The following GRB10 variants were observed in gnomAD, a reference collection of about 807,000 sequenced individuals.
The protein encoded by GRB10 is growth factor receptor bound protein 10.
Under a neutral mutation model 80.9 loss-of-function variants are expected in GRB10, and 20 were observed. The observed-to-expected ratio is 0.25, with a 90% CI of 0.17 to 0.36. The LOEUF is 0.36. GRB10 is among the 10% of genes least tolerant of loss of function. The pLI is 1.00. For missense variants in GRB10, 548 were observed against 747.7 expected, an observed-to-expected ratio of 0.73 and a Z score of 3.12; for synonymous variants, 291 against 291.5, an observed-to-expected ratio of 1.00 and a Z score of 0.02.
At chr7:50,697,952 A>C (rs2063661330) in intron 5 of GRB10, among the ~76,000 whole-genome samples, 1 of 152,158 alleles carries the variant, frequency 6.6e-6, no homozygotes, top group South Asian at 2.1e-4. Context: ...CTGCACTTGG[A>C]CCCACTTAAA....
In GRB10 at chr7:50,782,772, C is replaced by G. The variant is rs1442736092; in HGVS notation, c.-675G>C. 6.6e-6 allele frequency: 1 copy of G among 152,092 alleles called. No homozygotes were observed. The highest frequency in any genetic ancestry group is 2.4e-5 in the African/African-American group (1 of 41,434). The allele number at this position is 152,092 out of a possible 1,614,324, so 9.4% of individuals were successfully genotyped here. The stretch of plus-strand genomic sequence containing the variant: ...CCAGCGCCATCACCACGCAGGTGCC[C>G]GGGGGCCCCTCCGCGGAGCCGGCTG... On this transcript the variant is annotated 5_prime_UTR_variant, in exon 1 of 19. Coordinates refer to ENST00000401949, the MANE Select transcript of GRB10 (RefSeq NM_001350814.2). The surrounding 1 kb of genome is among the most constrained non-coding windows in gnomAD (Gnocchi z 6.6).
chr7:50,757,767 C>T (rs1375870582), intron 2 of GRB10, among the ~76,000 whole-genome samples: 1 of 152,226 alleles, frequency 6.6e-6, no homozygotes, highest in Non-Finnish European at 1.5e-5. Flanking sequence ...ACCATCACAA[C>T]AGCATACGAA....
In GRB10 at chr7:50,723,415, C is replaced by A. The variant is rs78610318; in HGVS notation, c.51+8857G>T. ...AACTGCCAATCATTTCCTCATTGTCCAAAGAACGAAATGTTCTAATGTTGT... is the reference window on the plus strand; with the variant it reads ...AACTGCCAATCATTTCCTCATTGTCAAAAGAACGAAATGTTCTAATGTTGT... On this transcript the variant is annotated intron_variant, in intron 4 of 18. Coordinates refer to ENST00000401949, the MANE Select transcript of GRB10 (RefSeq NM_001350814.2). Among the ~76,000 whole-genome samples, 1,387 of 152,290 alleles carry A rather than the reference C, an allele frequency of 9.1e-3. 26 individuals are homozygous for A. The highest frequency in any genetic ancestry group is 0.032 in the African/African-American group (1,312 of 41,542).
chr7:50,679,879 T>C (rs2061365097), intron 5 of GRB10, among the ~76,000 whole-genome samples: 1 of 152,260 alleles, frequency 6.6e-6, no homozygotes, highest in African/African-American at 2.4e-5. Context: ...AAGCAATTTC[T>C]GTTAACTTCT....
chr7:50,753,728 T>A (rs757773), intron 3 of GRB10, among the ~76,000 whole-genome samples: 94,751 of 151,982 alleles, frequency 0.62, 32,228 homozygotes, highest in Middle Eastern at 0.87. Context: ...AGCCAAAAAC[T>A]CAAAGACTAA....
intron 5 of GRB10, among the ~76,000 whole-genome samples, chr7:50,697,442 TCA>T (rs1398209088): frequency 6.6e-6 from 1 of 152,182 alleles, no homozygotes; most frequent in Non-Finnish European, 1.5e-5. Flanking sequence ...TTAGCAACTG[TCA>T]CACAAAAATA....
At chr7:50,658,032 G>A (rs2058825731) in intron 7 of GRB10, among the ~76,000 whole-genome samples, 2 of 152,254 alleles carry the variant, frequency 1.3e-5, no homozygotes, top group South Asian at 2.1e-4. Context: ...GGCCTAGATG[G>A]CCCATCTCAT....
chr7:50,755,823 T>C (rs2074994363), intron 3 of GRB10, 64 bp downstream of exon 3: 1 of 398,572 alleles, frequency 2.5e-6, no homozygotes, highest in Non-Finnish European at 4.4e-6. Flanking sequence ...CCTTAATCAA[T>C]ACTGAACAGG....
At chr7:50,679,668 C>A (rs1042810247) in intron 5 of GRB10, among the ~76,000 whole-genome samples, 8 of 152,044 alleles carry the variant, frequency 5.3e-5, no homozygotes, top group African/African-American at 1.9e-4. Context: ...GAAGATATAC[C>A]CTGTTAAGTC....
At position 50,674,427 on chromosome 7, in the gene GRB10, T is replaced by C. The variant is rs1458719058; in HGVS notation, c.362+9A>G. 6.2e-7 allele frequency: 1 copy of C among 1,602,264 alleles called. No homozygotes were observed. Among genetic ancestry groups the C allele is most frequent in the South Asian group, 1.1e-5 (1 of 91,000 alleles). On this transcript the variant is annotated intron_variant, in intron 6 of 18. Coordinates refer to ENST00000401949, the MANE Select transcript of GRB10 (RefSeq NM_001350814.2). ...TGGAGAAGGCTCTGCCCATAAGGCC[T>C]GGACCTACCTGACAGCGAGGATGTG...
At chr7:50,639,074 T>C (rs11238265) in intron 7 of GRB10, among the ~76,000 whole-genome samples, 51,501 of 151,908 alleles carry the variant, frequency 0.34, 8,906 homozygotes, top group Middle Eastern at 0.52. Flanking sequence ...TTAACAGACA[T>C]TGGGGACTCC....
At chr7:50,640,292 C>A (rs1159199917) in intron 7 of GRB10, among the ~76,000 whole-genome samples, 2 of 152,250 alleles carry the variant, frequency 1.3e-5, no homozygotes, top group African/African-American at 4.8e-5. Flanking sequence ...GTGCCACAAT[C>A]TGAATTCCTA....
rs780776923 is a variant in GRB10, at chr7:50,674,595, G to A, written c.203C>T (p.Ser68Leu). The part of the protein sequence containing the change: ...DMNASLESLY[S>L]ACSMQSDTVP... Reference sequence around the variant, plus strand: ...CGTGTCTGACTGCATGCTGCAGGCCGAGTACAGGCTCTCCAGGGATGCATT... The same window carrying A: ...CGTGTCTGACTGCATGCTGCAGGCCAAGTACAGGCTCTCCAGGGATGCATT... The change falls in exon 6 of 19, where the codon TCG (serine) becomes TTG (leucine). Residue 68 changes from serine to leucine, a missense_variant. Ser to Leu is a moderately radical substitution (Grantham distance 145). Transcript: ENST00000401949. The A allele has an allele frequency of 5.0e-6, 8 of 1,613,500 alleles. No individual in the cohort carries two copies. The highest frequency in any genetic ancestry group is 4.0e-5 in the African/African-American group (3 of 74,930).
chr7:50,749,192 G>A (rs1208951737), intron 3 of GRB10, among the ~76,000 whole-genome samples: 4 of 144,486 alleles, frequency 2.8e-5, no homozygotes, highest in African/African-American at 7.5e-5. Flanking sequence ...GCAATAGTGC[G>A]ATCTTGGCTC....
intron 4 of GRB10, chr7:50,728,027 A>T (rs534618074): frequency 6.6e-6 from 1 of 152,206 alleles, no homozygotes; most frequent in East Asian, 1.9e-4. Flanking sequence ...CAGAATCATA[A>T]CCTTAAATGA....
At chr7:50,631,109 C>T (rs938183272) in intron 7 of GRB10, among the ~76,000 whole-genome samples, 5 of 152,188 alleles carry the variant, frequency 3.3e-5, no homozygotes, top group African/African-American at 9.6e-5. Context: ...CAGGCCCCTC[C>T]TTGCTGTCAA....
chr7:50,631,276 T>C (rs1266390502), intron 7 of GRB10, among the ~76,000 whole-genome samples: 1 of 152,016 alleles, frequency 6.6e-6, no homozygotes. Context: ...CTTGTAAAAA[T>C]AGCAAATGGG....
chr7:50,637,488 C>G (rs1021367480), intron 7 of GRB10, among the ~76,000 whole-genome samples: 1 of 152,002 alleles, frequency 6.6e-6, no homozygotes, highest in Admixed American at 6.6e-5. Flanking sequence ...ATACATCTAA[C>G]CAAGGAGGTG....
rs535443821 is a variant in GRB10 at position 50,782,218 on chromosome 7, A to G, written c.-327+206T>C. ...TAATACTGTCCTATGGCTGGCGGCA[A>G]CGAAGCTCGGGATCTCGGACTGCAG... On this transcript the variant is annotated intron_variant, in intron 1 of 18. Coordinates refer to ENST00000401949, the MANE Select transcript of GRB10 (RefSeq NM_001350814.2). The surrounding 1 kb of genome is among the most constrained non-coding windows in gnomAD (Gnocchi z 6.6). Among the ~76,000 whole-genome samples the G allele has an allele frequency of 1.3e-5, 2 of 152,174 alleles. No homozygotes were observed. Among genetic ancestry groups the G allele is most frequent in the East Asian group, 3.9e-4 (2 of 5,186 alleles).
Sources: allele counts gnomAD v4.1 joint callset (sites outside exome capture counted in the v4.1 genomes callset), GRCh38; gene constraint gnomAD v4.1.1; non-coding constraint Gnocchi (gnomAD v3.1); transcripts MANE v1.5; gene names NCBI Gene and HGNC (gene_info 2026-07-23, HGNC 2026-07-21).